Variants in SHANK2 observed in about 807,000 individuals in gnomAD.
SHANK2 encodes the protein SH3 and multiple ankyrin repeat domains 2.
In SHANK2, 43 loss-of-function variants were observed where a neutral mutation model predicts 133.7. That is an observed-to-expected ratio of 0.32 (90% confidence interval 0.25 to 0.41). The LOEUF (loss-of-function observed/expected upper bound fraction) is 0.41. SHANK2 is among the 10% of genes least tolerant of loss of function. The pLI, the probability that SHANK2 is intolerant of heterozygous loss-of-function variation, is 1.00. For synonymous variants in SHANK2, 1,017 were observed against 952.8 expected, an observed-to-expected ratio of 1.07 and a Z score of -1.24; for missense variants, 1,994 against 2,235.8, an observed-to-expected ratio of 0.89 and a Z score of 2.18.
intron 17 of SHANK2, among the ~76,000 whole-genome samples, chr11:70,509,391 C>G (rs1484813537): frequency 6.6e-6 from 1 of 152,220 alleles, no homozygotes; most frequent in Non-Finnish European, 1.5e-5. Flanking sequence ...TGTGGGGACA[C>G]TGGCTATTGG....
intron 17 of SHANK2, among the ~76,000 whole-genome samples, chr11:70,524,462 TG>T (rs1333212795): frequency 1.3e-5 from 2 of 152,242 alleles, no homozygotes; most frequent in African/African-American, 4.8e-5. Flanking sequence ...GACACTCGGA[TG>T]CAGCTAAGAC....
At chr11:70,890,671 T>G (rs1949826508) in intron 11 of SHANK2, among the ~76,000 whole-genome samples, 1 of 151,558 alleles carries the variant, frequency 6.6e-6, no homozygotes, top group Non-Finnish European at 1.5e-5. Context: ...TGGTAGCGCG[T>G]GCCTGTAATC....
Position 70,486,630 on chromosome 11 carries a change from G to T in SHANK2, c.3663C>A (p.Ser1221=). The T allele has an allele frequency of 1.9e-6, 3 of 1,613,208 alleles. No homozygotes were observed. Among genetic ancestry groups the T allele is most frequent in the Non-Finnish European group, 2.5e-6 (3 of 1,180,018 alleles). The change falls in exon 25 of 26, where the codon TCC becomes TCA. Residue 1221 remains serine, a synonymous_variant. Transcript: ENST00000601538. The surrounding 1 kb of genome is among the most constrained non-coding windows in gnomAD (Gnocchi z 8.0). ...DPSSPLALAL[S]ARDRAMKESQ... is the part of the protein sequence containing the mutation. The stretch of plus-strand genomic sequence containing the variant: ...ACTCCTTCATGGCTCGGTCCCTTGC[G>T]GAGAGTGCCAGGGCCAGCGGGGAGC...
At chr11:71,093,333 C>T (rs995754141) in intron 7 of SHANK2, among the ~76,000 whole-genome samples, 1 of 152,192 alleles carries the variant, frequency 6.6e-6, no homozygotes, top group East Asian at 1.9e-4. Context: ...ACCTAGCAAG[C>T]ATCGCGTCTT....
chr11:70,776,075 C>T (rs1031253282), intron 14 of SHANK2, among the ~76,000 whole-genome samples: 1 of 152,208 alleles, frequency 6.6e-6, no homozygotes, highest in Non-Finnish European at 1.5e-5. Context: ...ACTTGGTGTC[C>T]CAGTGCCAAG....
At chr11:71,232,280 T>C (rs940864115) in intron 1 of SHANK2, among the ~76,000 whole-genome samples, 1 of 152,176 alleles carries the variant, frequency 6.6e-6, no homozygotes, top group African/African-American at 2.4e-5. Flanking sequence ...GGGGTCCTGG[T>C]GTGGACAGCA....
At chr11:70,944,026 T>C (rs1950684453) in intron 10 of SHANK2, 7 of 454,094 alleles carry the variant, frequency 1.5e-5, no homozygotes, top group South Asian at 6.3e-5. Context: ...GGTTCAATCA[T>C]GGTTCCTGTG....
At chr11:70,612,627 AGAAGCCCCCAGCGGCCCCCG>A (rs2060675585) in intron 17 of SHANK2, among the ~76,000 whole-genome samples, 2 of 152,344 alleles carry the variant, frequency 1.3e-5, no homozygotes, top group South Asian at 2.1e-4. Flanking sequence ...TCAACGCTCC[AGAAGCCCCCAGCGGCCCCCG>A]GCAGCCACCT....
At chr11:70,953,308 C>T (rs1334323322) in intron 10 of SHANK2, among the ~76,000 whole-genome samples, 2 of 151,964 alleles carry the variant, frequency 1.3e-5, no homozygotes, top group South Asian at 2.1e-4. Context: ...TACATTTACA[C>T]AGGAAAGGGA....
At chr11:70,896,623 CA>C (rs1421897299) in intron 10 of SHANK2, 56 bp from the exon 11 acceptor site, 8 of 711,724 alleles carry the variant, frequency 1.1e-5, no homozygotes, top group Admixed American at 2.0e-5. Flanking sequence ...ATGATTTCTG[CA>C]TATACTATTA....
At chr11:70,652,983 CT>C (rs1370715792) in intron 17 of SHANK2, among the ~76,000 whole-genome samples, 9 of 152,106 alleles carry the variant, frequency 5.9e-5, no homozygotes, top group Non-Finnish European at 1.2e-4. Flanking sequence ...TCCCTTTTCT[CT>C]TTTTTTGAGA....
intron 1 of SHANK2, among the ~76,000 whole-genome samples, chr11:71,230,085 C>T (rs556325740): frequency 3.9e-5 from 6 of 152,172 alleles, no homozygotes; most frequent in East Asian, 1.9e-4. Flanking sequence ...GTTAGGAGCT[C>T]GAGACTAGCC....
At chr11:70,700,241 G>A (rs1450909687) in intron 14 of SHANK2, among the ~76,000 whole-genome samples, 2 of 151,994 alleles carry the variant, frequency 1.3e-5, no homozygotes, top group Admixed American at 6.6e-5. Context: ...CTCCATCATC[G>A]TCACTGACAC....
intron 14 of SHANK2, among the ~76,000 whole-genome samples, chr11:70,768,834 G>A (rs920427252): frequency 2.0e-5 from 3 of 152,092 alleles, no homozygotes; most frequent in Non-Finnish European, 4.4e-5. Flanking sequence ...CTGGCTCCTG[G>A]CTTCCAAGGT....
chr11:70,705,781 C>G (rs1227434037), intron 14 of SHANK2: 1 of 152,290 alleles, frequency 6.6e-6, no homozygotes, highest in African/African-American at 2.4e-5. Context: ...GCTCCACATA[C>G]ATGGAGGCTA....
intron 6 of SHANK2, among the ~76,000 whole-genome samples, chr11:71,106,017 G>C (rs529894561): frequency 6.6e-6 from 1 of 152,360 alleles, no homozygotes; most frequent in Admixed American, 6.5e-5. Flanking sequence ...ATCACAACTG[G>C]TTCACTGATT....
chr11:71,158,338 T>C lies in SHANK2; in HGVS notation c.-12-11000A>G, dbSNP rs538469313. ...ATTAGCAATAAACAATTGAAAAACATTCAAAAAACACTATAATACCACCAA... is the reference window on the plus strand; with the variant it reads ...ATTAGCAATAAACAATTGAAAAACACTCAAAAAACACTATAATACCACCAA... On this transcript the variant is annotated intron_variant, in intron 2 of 25. Coordinates refer to ENST00000601538, the MANE Select transcript of SHANK2 (RefSeq NM_012309.5). Among the ~76,000 whole-genome samples, 633 of 151,958 alleles carry C rather than the reference T, an allele frequency of 4.2e-3. 4 individuals carry two copies. Among genetic ancestry groups the C allele is most frequent in the Non-Finnish European group, 7.4e-3 (503 of 67,946 alleles).
At chr11:70,641,013 T>C (rs377279330) in intron 17 of SHANK2, among the ~76,000 whole-genome samples, 57 of 152,270 alleles carry the variant, frequency 3.7e-4, no homozygotes, top group African/African-American at 1.2e-3. Context: ...CCCTCCCTGA[T>C]GAAAAATAAC....
At chr11:70,489,295 G>T in intron 24 of SHANK2, 33 bp downstream of exon 24, 1 of 1,603,566 alleles carries the variant, frequency 6.2e-7, no homozygotes. Flanking sequence ...GTTACATTCA[G>T]ATTACAGATT....
Sources: gnomAD v4.1 joint callset for allele counts (sites outside exome capture counted in the v4.1 genomes callset) on GRCh38, gnomAD v4.1.1 for gene constraint, Gnocchi (gnomAD v3.1) non-coding constraint, MANE v1.5 for transcripts, NCBI Gene and HGNC (gene_info 2026-07-23, HGNC 2026-07-21) for gene names.